NID2: variants seen among roughly 807,000 people sequenced by gnomAD.
NID2 encodes nidogen 2, also known as nidogen-2.
NID2 carries 83 observed loss-of-function variants against 145.4 expected under a neutral mutation model. The observed-to-expected ratio is 0.57, with a 90% CI of 0.48 to 0.69. The LOEUF is 0.69. Among genes scored for constraint, NID2 ranks in the 30% least tolerant of loss-of-function variants. The pLI, the probability that NID2 is intolerant of heterozygous loss-of-function variation, is 0.00. For missense variants in NID2, 1,807 were observed against 1,765.7 expected, an observed-to-expected ratio of 1.02 and a Z score of -0.42; for synonymous variants, 739 against 701.3, an observed-to-expected ratio of 1.05 and a Z score of -0.85.
At chr14:52,030,987 C>G (rs1891845127) in intron 9 of NID2, among the ~76,000 whole-genome samples, 3 of 152,250 alleles carry the variant, frequency 2.0e-5, no homozygotes, top group African/African-American at 7.2e-5. Flanking sequence ...ATCTCCACTT[C>G]TGCTGCATCA....
Position 52,005,468 on chromosome 14 carries a change from T to C in NID2, c.*18A>G. 6.3e-7 allele frequency: 1 copy of C among 1,583,544 alleles called. No homozygotes were observed. ...GGTTCTGATTGTAAACTCCAAGTCTTCCTTTACATTACTGTACTTACTTTC... is the reference window on the plus strand; with the variant it reads ...GGTTCTGATTGTAAACTCCAAGTCTCCCTTTACATTACTGTACTTACTTTC... On this transcript the variant is annotated 3_prime_UTR_variant, in exon 22 of 22. Coordinates refer to ENST00000216286, the MANE Select transcript of NID2 (RefSeq NM_007361.4).
chr14:52,043,845 G>GCCAATC (rs965205981), intron 5 of NID2, among the ~76,000 whole-genome samples: 1 of 152,112 alleles, frequency 6.6e-6, no homozygotes, highest in African/African-American at 2.4e-5. Context: ...TAGGAAATAT[G>GCCAATC]CCAATCCCAA....
At chr14:52,025,057 G>A (rs756252709) in intron 12 of NID2, among the ~76,000 whole-genome samples, 12 of 152,192 alleles carry the variant, frequency 7.9e-5, no homozygotes, top group Non-Finnish European at 1.6e-4. Context: ...CATCTCTGCT[G>A]ATCTGAGCAG....
Position 52,060,224 on chromosome 14 carries a change from C to T in NID2, c.667G>A (p.Ala223Thr). 1 of 1,614,058 alleles carries T rather than the reference C, an allele frequency of 6.2e-7. No homozygotes were observed. The highest frequency in any genetic ancestry group is 8.5e-7 in the Non-Finnish European group (1 of 1,179,992). Reference protein sequence around the residue: ...ESYNVQLQLPARVGFCRGEAD... With the variant: ...ESYNVQLQLPTRVGFCRGEAD... ...TCCCCTCGGCAGAAGCCCACCCGAG[C>T]TGGAAGCTGAAGCTGGACATTGTAA... is the stretch of plus-strand genomic sequence containing the variant. Residue 223 changes from alanine (A) to threonine (T), a missense_variant, in exon 3 of 22, where the codon GCT (alanine) becomes ACT (threonine). Transcript: ENST00000216286.
chr14:52,014,260 G>GC (rs757048248), intron 16 of NID2, 27 bp downstream of exon 16: 18 of 1,614,074 alleles, frequency 1.1e-5, no homozygotes, highest in Non-Finnish European at 1.5e-5. Flanking sequence ...ACGCAGCCCT[G>GC]CCCCCTACAG....
chr14:52,016,503 C>T (rs529190428), intron 14 of NID2, among the ~76,000 whole-genome samples: 6 of 152,082 alleles, frequency 3.9e-5, no homozygotes, highest in Non-Finnish European at 8.8e-5. Flanking sequence ...TATCCTTGAC[C>T]CTCCTTTCTC....
In NID2 at chr14:52,019,103, T is replaced by C. The variant is rs559912470; in HGVS notation, c.2986A>G (p.Thr996Ala). The C allele has an allele frequency of 2.5e-6, 4 of 1,613,792 alleles. No individual in the cohort carries two copies. In the South Asian group the frequency reaches 3.3e-5, roughly 13 times the overall value. ...PDGHEVPGTQ[T>A]PPGSTPPHCG... is the part of the protein sequence containing the mutation. ...TGAGGCGGGGTGGAGCCAGGTGGAG[T>C]CTGGGTACCAGGAACTTCATGACCA... The change falls in exon 14 of 22, where the codon ACT becomes GCT. Residue 996 changes from threonine (T) to alanine (A), a missense_variant. Physicochemically the swap from Thr to Ala is moderately conservative, Grantham distance 58. Coordinates refer to ENST00000216286, the MANE Select transcript of NID2 (RefSeq NM_007361.4).
intron 15 of NID2, 72 bp from the exon 16 acceptor site, chr14:52,014,528 T>C (rs926343248): frequency 6.9e-7 from 1 of 1,455,578 alleles, no homozygotes; most frequent in Admixed American, 2.1e-5. Context: ...AAAGTTACTT[T>C]ACCACATACC....
chr14:52,019,042 G>A lies in NID2; in HGVS notation c.3028+19C>T. The A allele has an allele frequency of 6.3e-7, 1 of 1,595,516 alleles. No homozygotes were observed. The highest frequency in any genetic ancestry group is 8.6e-7 in the Non-Finnish European group (1 of 1,164,778). On this transcript the variant is annotated intron_variant, in intron 14 of 21. Coordinates refer to ENST00000216286, the MANE Select transcript of NID2 (RefSeq NM_007361.4). The stretch of plus-strand genomic sequence containing the variant: ...CCACCAGTGCCATTCTGCTTCTTGA[G>A]CCCCAGGCCTAAGCTCACCTGGTGA...
chr14:52,039,893 G>A (rs181983503), intron 8 of NID2, among the ~76,000 whole-genome samples: 1 of 152,294 alleles, frequency 6.6e-6, no homozygotes, highest in East Asian at 1.9e-4. Flanking sequence ...CTTATCTTTT[G>A]ACTCCAAATC....
intron 16 of NID2, 145 bp from the exon 17 acceptor site, chr14:52,011,828 G>A (rs1941179564): frequency 1.1e-6 from 1 of 936,288 alleles, no homozygotes; most frequent in African/African-American, 1.6e-5. Context: ...TGGACATGTG[G>A]GCACTCGGGT....
In NID2 at chr14:52,041,781, T is replaced by A. The variant is rs569866336; in HGVS notation, c.1825+324A>T. Among the ~76,000 whole-genome samples, 267 of 152,344 alleles carry A rather than the reference T, an allele frequency of 1.8e-3. 1 individual carries two copies. The highest frequency in any genetic ancestry group is 5.9e-3 in the African/African-American group (247 of 41,576). ...GTGCCCCAAGTACCATTTTTGCATT[T>A]GACAGATCTGTGCATAATTTAAAAA... On this transcript the variant is annotated intron_variant, in intron 7 of 21. Coordinates refer to ENST00000216286, the MANE Select transcript of NID2 (RefSeq NM_007361.4).
intron 9 of NID2, among the ~76,000 whole-genome samples, chr14:52,030,854 A>T (rs1240312344): frequency 6.6e-6 from 1 of 152,140 alleles, no homozygotes; most frequent in Non-Finnish European, 1.5e-5. Flanking sequence ...ATGTCTTAAA[A>T]TATATATATT....
chr14:52,016,214 A>T (rs975655043), intron 14 of NID2, among the ~76,000 whole-genome samples: 3 of 152,224 alleles, frequency 2.0e-5, no homozygotes, highest in Non-Finnish European at 4.4e-5. Context: ...CTGCTGCAGA[A>T]GGTTATTGAG....
intron 20 of NID2, chr14:52,006,179 CA>C: frequency 2.5e-6 from 1 of 399,338 alleles, no homozygotes; most frequent in Non-Finnish European, 4.7e-6. Context: ...TCCACAGTGT[CA>C]AAAGCCAACT....
intron 3 of NID2, among the ~76,000 whole-genome samples, chr14:52,059,260 GTC>G (rs1892950749): frequency 6.6e-6 from 1 of 152,134 alleles, no homozygotes; most frequent in East Asian, 1.9e-4. Context: ...GGCTATAGTG[GTC>G]TCTTTCTGGT....
chr14:52,021,141 CG>C (rs1227320313), intron 12 of NID2, among the ~76,000 whole-genome samples: 1 of 149,696 alleles, frequency 6.7e-6, no homozygotes, highest in African/African-American at 2.5e-5. Context: ...GGTGTAGGTC[CG>C]ATTAAGGCTT....
At chr14:52,035,872 A>T (rs7155035) in intron 9 of NID2, among the ~76,000 whole-genome samples, 7 of 43,060 alleles carry the variant, frequency 1.6e-4, no homozygotes, top group Admixed American at 6.1e-4. Flanking sequence ...ATATATATAT[A>T]TATATATGTT....
chr14:52,009,545 T>C (rs1006332768), intron 18 of NID2: 4 of 152,240 alleles, frequency 2.6e-5, no homozygotes, highest in Non-Finnish European at 5.9e-5. Flanking sequence ...TTATATTTGC[T>C]GTCTGGATAA....
Sources: gnomAD v4.1 joint callset for allele counts (sites outside exome capture counted in the v4.1 genomes callset) on GRCh38, gnomAD v4.1.1 for gene constraint, MANE v1.5 for transcripts, NCBI Gene and HGNC (gene_info 2026-07-23, HGNC 2026-07-21) for gene names.